KLHL41: variants seen among roughly 807,000 people sequenced by gnomAD.
KLHL41 encodes the protein kelch-like protein 41.
In KLHL41, 31 loss-of-function variants were observed where a neutral mutation model predicts 49.2. The ratio of observed to expected loss-of-function variants is 0.63; its 90% CI spans 0.47 to 0.85. The LOEUF (loss-of-function observed/expected upper bound fraction) is 0.85, where lower values mean the gene tolerates loss of function less well. KLHL41 is among the 40% of genes least tolerant of loss of function. The pLI, the probability that KLHL41 is intolerant of heterozygous loss-of-function variation, is 0.00. For synonymous variants in KLHL41, 218 were observed against 258.5 expected (o/e 0.84, Z 1.50); for missense variants, 663 against 726.7 (o/e 0.91, Z 1.01).
rs776837529 is a variant in KLHL41 at position 169,514,661 on chromosome 2, A to G, written c.1198A>G (p.Ile400Val). ...CGGTCTGGGAGAGGTGGATGATAAA[A>G]TCTATGTAGTTGCAGGCAAAGACCT... Reference protein sequence around the residue: ...LFGLGEVDDKIYVVAGKDLQT... With the variant: ...LFGLGEVDDKVYVVAGKDLQT... The change falls in exon 2 of 6, where the codon ATC becomes GTC. Residue 400 changes from isoleucine to valine, a missense_variant. Physicochemically the swap from Ile to Val is conservative, Grantham distance 29 (BLOSUM62 3). Coordinates refer to ENST00000284669, the MANE Select transcript of KLHL41 (RefSeq NM_006063.3). 6.8e-6 allele frequency: 11 copies of G among 1,613,912 alleles called. No homozygotes were observed. The highest frequency in any genetic ancestry group is 7.6e-6 in the Non-Finnish European group (9 of 1,179,970).
chr2:169,515,394 G>A (rs1684101952), intron 3 of KLHL41, among the ~76,000 whole-genome samples: 1 of 152,060 alleles, frequency 6.6e-6, no homozygotes, highest in African/African-American at 2.4e-5. Context: ...CTATCATATT[G>A]TGGAGGGAAA....
At chr2:169,525,179 T>C (rs1440168137) in intron 5 of KLHL41, among the ~76,000 whole-genome samples, 1 of 152,224 alleles carries the variant, frequency 6.6e-6, no homozygotes, top group Non-Finnish European at 1.5e-5. Context: ...TAGGAACAAT[T>C]GAAGGCATAA....
In KLHL41 at chr2:169,518,289, C is replaced by T. The variant is rs138411167; in HGVS notation, c.1476C>T (p.Val492=). 6 of 1,613,768 alleles carry T rather than the reference C, an allele frequency of 3.7e-6. No homozygotes were observed. In the East Asian group the frequency reaches 8.9e-5, roughly 24 times the overall value. The stretch of plus-strand genomic sequence containing the variant: ...CTCGTTCCATGTTTGGAGTAGCAGT[C>T]CATAAAGGCAAAATTGTGATTGCAG... ...KIPRSMFGVA[V]HKGKIVIAGG... The change falls in exon 4 of 6, where the codon GTC becomes GTT. Residue 492 remains valine, a synonymous_variant. Coordinates refer to ENST00000284669, the MANE Select transcript of KLHL41 (RefSeq NM_006063.3).
At chr2:169,518,396 A>G (rs1465336740) in intron 4 of KLHL41, 21 bp downstream of exon 4, 5 of 1,546,220 alleles carry the variant, frequency 3.2e-6, no homozygotes, top group Non-Finnish European at 4.4e-6. Context: ...ACATCTTAGT[A>G]TATAGCATGT....
At position 169,510,205 on chromosome 2, in the gene KLHL41, C is replaced by G. The variant is rs138260330; in HGVS notation, c.427C>G (p.Leu143Val). The change falls in exon 1 of 6, where the codon CTT (leucine) becomes GTT (valine). Residue 143 changes from leucine to valine, a missense_variant. Physicochemically the swap from Leu to Val is conservative, Grantham distance 32. Around this residue, in one of 3 missense-constraint regions of KLHL41, gnomAD observed 528 missense variants for 581.0 expected, o/e 0.91. Coordinates refer to ENST00000284669, the MANE Select transcript of KLHL41 (RefSeq NM_006063.3). The surrounding 1 kb of genome is among the most constrained non-coding windows in gnomAD (Gnocchi z 4.2). ...CTGTCTAGCCATCCTAAGATTAGGA[C>G]TTCTTCTTGACTGCCCGAGACTCGC... ...GNCLAILRLGLLLDCPRLAIS... is the reference protein window; with the variant it reads ...GNCLAILRLGVLLDCPRLAIS... 14 of 1,613,912 alleles carry G rather than the reference C, an allele frequency of 8.7e-6. 1 individual carries two copies. In the South Asian group the frequency reaches 1.5e-4, roughly 18 times the overall value.
chr2:169,514,636 C>T lies in KLHL41; in HGVS notation c.1173C>T (p.Phe391=), dbSNP rs1483813242. The change falls in exon 2 of 6, where the codon TTC becomes TTT. Residue 391 remains phenylalanine (F), a synonymous_variant. Coordinates refer to ENST00000284669, the MANE Select transcript of KLHL41 (RefSeq NM_006063.3). ...CTCTGCCTTCAGCCAGGTGTCTCTT[C>T]GGTCTGGGAGAGGTGGATGATAAAA... ...LPPLPSARCL[F]GLGEVDDKIY... 7.4e-6 allele frequency: 12 copies of T among 1,613,622 alleles called. No individual in the cohort carries two copies. The highest frequency in any genetic ancestry group is 4.0e-5 in the African/African-American group (3 of 74,854).
At position 169,510,236 on chromosome 2, in the gene KLHL41, C is replaced by A. The variant is rs1684010288; in HGVS notation, c.458C>A (p.Ser153Tyr). The change falls in exon 1 of 6, where the codon TCT (serine) becomes TAT (tyrosine). Residue 153 changes from serine to tyrosine, a missense_variant. By Grantham distance (144) the Ser-to-Tyr change is moderately radical. Transcript: ENST00000284669. The surrounding 1 kb of genome is among the most constrained non-coding windows in gnomAD (Gnocchi z 4.2). ...LLLDCPRLAI[S>Y]AREFVSDRFV... ...CTTGACTGCCCGAGACTCGCCATTT[C>A]TGCCCGTGAATTTGTGTCTGATCGC... is the stretch of plus-strand genomic sequence containing the variant. 3.1e-6 allele frequency: 5 copies of A among 1,614,052 alleles called. No individual in the cohort carries two copies. Among genetic ancestry groups the A allele is most frequent in the African/African-American group, 1.3e-5 (1 of 75,026 alleles).
At position 169,510,917 on chromosome 2, in the gene KLHL41, G is replaced by C; in HGVS notation, c.1110+29G>C. ...AGAAGGACTTTTTGTATATGTAGTT[G>C]CTTAAAGGGAAGGCTGTTACTCACC... On this transcript the variant is annotated intron_variant, in intron 1 of 5. Transcript: ENST00000284669. This position sits in a 1 kb window ranked among gnomAD's most constrained non-coding sequence, Gnocchi z 4.2. The C allele has an allele frequency of 3.8e-6, 6 of 1,582,098 alleles. No individual in the cohort carries two copies. Among genetic ancestry groups the C allele is most frequent in the Non-Finnish European group, 5.2e-6 (6 of 1,160,722 alleles).
chr2:169,512,614 C>A (rs1486579382), intron 1 of KLHL41, among the ~76,000 whole-genome samples: 1 of 152,046 alleles, frequency 6.6e-6, no homozygotes, highest in African/African-American at 2.4e-5. Flanking sequence ...ACTTAATGTT[C>A]TGTATAACAG....
In KLHL41 at chr2:169,510,694, A is replaced by G. The variant is rs1268456015; in HGVS notation, c.916A>G (p.Ile306Val). 3 of 1,614,004 alleles carry G rather than the reference A, an allele frequency of 1.9e-6. No homozygotes were observed. The highest frequency in any genetic ancestry group is 3.3e-5 in the Admixed American group (2 of 59,986). ...PRHGMFVKDL[I>V]LLVNDTAAVA... ...GCATGGAATGTTTGTAAAAGACCTC[A>G]TCCTCTTGGTTAATGACACAGCAGC... The change falls in exon 1 of 6, where the codon ATC becomes GTC. Residue 306 changes from isoleucine (I) to valine (V), a missense_variant. Ile to Val is a conservative substitution (Grantham distance 29). Coordinates refer to ENST00000284669, the MANE Select transcript of KLHL41 (RefSeq NM_006063.3). The surrounding 1 kb of genome is among the most constrained non-coding windows in gnomAD (Gnocchi z 4.2).
Position 169,526,016 on chromosome 2 carries a change from TATCCTTAA to T in KLHL41, c.*322_*329del, listed in dbSNP as rs1172230074. The T allele has an allele frequency of 5.5e-6, 1 of 181,558 alleles. No homozygotes were observed. The highest frequency in any genetic ancestry group is 1.1e-5 in the Non-Finnish European group (1 of 87,476). The allele number at this position is 181,558 out of a possible 1,614,324, so 11.2% of individuals were successfully genotyped here. ...AATCATTTCATTTGCATCATTAGGG[TATCCTTAA>T]ACTGATTTTCTATTACAATTGGAAG... On this transcript the variant is annotated 3_prime_UTR_variant, in exon 6 of 6. Coordinates refer to ENST00000284669, the MANE Select transcript of KLHL41 (RefSeq NM_006063.3).
rs755378546 is a variant in KLHL41 at position 169,510,618 on chromosome 2, T to A, written c.840T>A (p.Gly280=). ...AGACTGGGGCTGGTGAGGTGAATGG[T>A]GATGTTGGTGATGAAGATTTACTTC... ...AAKTGAGEVN[G]DVGDEDLLPG... The change falls in exon 1 of 6, where the codon GGT becomes GGA. Residue 280 remains glycine, a synonymous_variant. Coordinates refer to ENST00000284669, the MANE Select transcript of KLHL41 (RefSeq NM_006063.3). The surrounding 1 kb of genome is among the most constrained non-coding windows in gnomAD (Gnocchi z 4.2). The A allele has an allele frequency of 1.1e-5, 18 of 1,613,914 alleles. No homozygotes were observed. Among genetic ancestry groups the A allele is most frequent in the Non-Finnish European group, 1.4e-5 (17 of 1,180,006 alleles).
At chr2:169,511,954 A>G (rs1421572295) in intron 1 of KLHL41, among the ~76,000 whole-genome samples, 1 of 152,232 alleles carries the variant, frequency 6.6e-6, no homozygotes, top group Non-Finnish European at 1.5e-5. Context: ...GCCAATACCG[A>G]AACTTTATAG....
chr2:169,510,397 G>A lies in KLHL41; in HGVS notation c.619G>A (p.Asp207Asn). 3 of 1,614,082 alleles carry A rather than the reference G, an allele frequency of 1.9e-6. No individual in the cohort carries two copies. Among genetic ancestry groups the A allele is most frequent in the Non-Finnish European group, 2.5e-6 (3 of 1,180,008 alleles). The change falls in exon 1 of 6, where the codon GAC becomes AAC. Residue 207 changes from aspartate to asparagine, a missense_variant. By Grantham distance (23) the Asp-to-Asn change is conservative. Transcript: ENST00000284669. The surrounding 1 kb of genome is among the most constrained non-coding windows in gnomAD (Gnocchi z 4.2). The stretch of plus-strand genomic sequence containing the variant: ...GGCAGTGATGAAATGGGTGCGAACA[G>A]ACAAGGAAAACAGGGTTAAAAACCT... ...FEAVMKWVRT[D>N]KENRVKNLSE...
rs572017946 is a variant in KLHL41 at position 169,525,284 on chromosome 2, C to T, written c.1710-301C>T. On this transcript the variant is annotated intron_variant, in intron 5 of 5. Coordinates refer to ENST00000284669, the MANE Select transcript of KLHL41 (RefSeq NM_006063.3). ...CAGAGACCAGCCATCTTCATCAATT[C>T]AAAGGTGAATGAATGTTTAACTGCT... 3.3e-5 allele frequency among the ~76,000 whole-genome samples: 5 copies of T among 152,356 alleles called. No individual in the cohort carries two copies. The East Asian group carries it at 9.6e-4, about 29-fold the overall frequency.
chr2:169,514,998 G>T (rs531108805), intron 3 of KLHL41, 37 bp downstream of exon 3: 7 of 1,259,374 alleles, frequency 5.6e-6, no homozygotes, highest in South Asian at 2.8e-5. Flanking sequence ...ATGTCTAAAT[G>T]ACTTTTTATT....
rs1295630634 is a variant in KLHL41 at position 169,514,716 on chromosome 2, T to C, written c.1253T>C (p.Leu418Ser). 8.1e-6 allele frequency: 13 copies of C among 1,614,120 alleles called. No homozygotes were observed. In the East Asian group the frequency reaches 8.9e-5, roughly 11 times the overall value. ...LQTEASLDSV[L>S]CYDPVAAKWN... ...ACAGAGGCTTCGCTGGATTCAGTAT[T>C]ATGCTATGATCCTGTGTAAGTTGGC... Residue 418 changes from leucine (L) to serine (S), a missense_variant, in exon 2 of 6, where the codon TTA (leucine) becomes TCA (serine). By Grantham distance (145) the Leu-to-Ser change is moderately radical (BLOSUM62 -2). Transcript: ENST00000284669.
At chr2:169,519,404 AT>A (rs1684165184) in intron 4 of KLHL41, among the ~76,000 whole-genome samples, 1 of 152,216 alleles carries the variant, frequency 6.6e-6, no homozygotes, top group African/African-American at 2.4e-5. Flanking sequence ...TTAAATTATC[AT>A]TAAAAATAAT....
At position 169,510,534 on chromosome 2, in the gene KLHL41, C is replaced by CT. The variant is rs1185815773; in HGVS notation, c.756_757insT (p.Lys253Ter). 5.6e-6 allele frequency: 9 copies of CT among 1,613,320 alleles called. No homozygotes were observed. Among genetic ancestry groups the CT allele is most frequent in the African/African-American group, 2.7e-5 (2 of 74,760 alleles). On this transcript the variant is annotated frameshift_variant, in exon 1 of 6. Coordinates refer to ENST00000284669, the MANE Select transcript of KLHL41 (RefSeq NM_006063.3). LOFTEE classifies it high-confidence loss of function. This position sits in a 1 kb window ranked among gnomAD's most constrained non-coding sequence, Gnocchi z 4.2. ...GCAACCCAGACCTCCAGAAAAAAATCAAAGTTCTAAAAGATGCTTTCGCAG... is the reference window on the plus strand; with the variant it reads ...GCAACCCAGACCTCCAGAAAAAAATCTAAAGTTCTAAAAGATGCTTTCGCAG...
Sources: gnomAD v4.1 joint callset for allele counts (sites outside exome capture counted in the v4.1 genomes callset) on GRCh38, gnomAD v4.1.1 for gene constraint, gnomAD v4.1.1 regional missense constraint, Gnocchi (gnomAD v3.1) non-coding constraint, MANE v1.5 for transcripts, NCBI Gene and HGNC (gene_info 2026-07-23, HGNC 2026-07-21) for gene names.